The following ZIM2 variants were observed in gnomAD, a reference collection of about 807,000 sequenced individuals.
The protein encoded by ZIM2 is zinc finger protein 656.
A neutral mutation model predicts 38.6 loss-of-function variants in ZIM2; 14 were observed. That is an observed-to-expected ratio of 0.36 (90% CI 0.24 to 0.57). The LOEUF is 0.57. Ranked by LOEUF, ZIM2 falls within the 20% of genes least tolerant of loss-of-function variation. The probability of loss-of-function intolerance (pLI) is 0.81; values close to 1 mark genes in which losing one functional copy is unlikely to be tolerated. For synonymous variants in ZIM2, 247 were observed against 245.8 expected (o/e 1.00, Z -0.04); for missense variants, 680 against 695.1 (o/e 0.98, Z 0.24).
In ZIM2 at chr19:56,817,143, G is replaced by A. The variant is rs184132844; in HGVS notation, c.490+603C>T. ...ACTCGGTAAAGGAGGGGGAGCTGAG[G>A]CTGCTCAGGCTGCTCACGCTCATGG... On this transcript the variant is annotated intron_variant, in intron 9 of 12. Coordinates refer to ENST00000629319, the MANE Select transcript of ZIM2 (RefSeq NM_001387356.1). The A allele has an allele frequency of 6.3e-5, 101 of 1,614,138 alleles. No homozygotes were observed. In the African/African-American group the frequency reaches 9.7e-4, roughly 16 times the overall value.
chr19:56,795,449 G>T (rs2047156545), intron 9 of ZIM2, among the ~76,000 whole-genome samples: 1 of 152,164 alleles, frequency 6.6e-6, no homozygotes, highest in Non-Finnish European at 1.5e-5. Flanking sequence ...ATCCTACCCC[G>T]GGCCCAGCGA....
intron 9 of ZIM2, chr19:56,813,451 T>C (rs2059680734): frequency 3.6e-6 from 5 of 1,375,382 alleles, no homozygotes; most frequent in African/African-American, 1.4e-5. Context: ...ATGTGTGCTA[T>C]GGCTTTCCCA....
intron 9 of ZIM2, among the ~76,000 whole-genome samples, chr19:56,796,050 C>T (rs1018032465): frequency 2.0e-5 from 3 of 152,160 alleles, no homozygotes; most frequent in African/African-American, 4.8e-5. Flanking sequence ...CCAAAACATA[C>T]GTAACCACTG....
chr19:56,781,924 A>G, intron 11 of ZIM2, 29 bp downstream of exon 11: 2 of 1,607,470 alleles, frequency 1.2e-6, no homozygotes, highest in Non-Finnish European at 1.7e-6. Context: ...GTGGGAAGAA[A>G]CCAAGTCCTG....
chr19:56,828,839 T>C (rs2061306999), intron 2 of ZIM2, among the ~76,000 whole-genome samples: 2 of 152,188 alleles, frequency 1.3e-5, no homozygotes, highest in Non-Finnish European at 2.9e-5. Flanking sequence ...AAACCTTTTT[T>C]GACCTGTCGA....
At chr19:56,800,881 A>C (rs1159570150) in intron 9 of ZIM2, among the ~76,000 whole-genome samples, 1 of 151,800 alleles carries the variant, frequency 6.6e-6, no homozygotes, top group Non-Finnish European at 1.5e-5. Flanking sequence ...TATTCATAAT[A>C]GTCTTTCTGA....
rs1166283972 is a variant in ZIM2 at position 56,814,052 on chromosome 19, T to C, written c.490+3694A>G. ...GCTTTTCCCTCTGGCTCTTCAGCTC[T>C]TTCTTCTGGGTCTTCAATACCTGCA... is the stretch of plus-strand genomic sequence containing the variant. On this transcript the variant is annotated intron_variant, in intron 9 of 12. Transcript: ENST00000629319. This position sits in a 1 kb window ranked among gnomAD's most constrained non-coding sequence, Gnocchi z 5.8. 1.2e-6 allele frequency: 2 copies of C among 1,614,142 alleles called. No homozygotes were observed. Among genetic ancestry groups the C allele is most frequent in the Non-Finnish European group, 1.7e-6 (2 of 1,180,036 alleles).
intron 9 of ZIM2, among the ~76,000 whole-genome samples, chr19:56,803,961 A>C (rs1356824633): frequency 2.0e-5 from 3 of 152,248 alleles, no homozygotes; most frequent in African/African-American, 7.2e-5. Flanking sequence ...CAGGCCATTA[A>C]AAAGGCTCAC....
At chr19:56,787,575 G>T (rs146386079) in intron 10 of ZIM2, among the ~76,000 whole-genome samples, 2 of 152,102 alleles carry the variant, frequency 1.3e-5, no homozygotes, top group Non-Finnish European at 2.9e-5. Flanking sequence ...TCTCTGCCAG[G>T]TTTTGCTATC....
intron 10 of ZIM2, among the ~76,000 whole-genome samples, chr19:56,788,064 T>C (rs113053924): frequency 1.2e-4 from 18 of 151,878 alleles, no homozygotes; most frequent in African/African-American, 4.1e-4. Flanking sequence ...CCTGGAGTCA[T>C]TGATTTTTTT....
chr19:56,780,802 T>G (rs1164575629), intron 11 of ZIM2, among the ~76,000 whole-genome samples: 1 of 152,160 alleles, frequency 6.6e-6, no homozygotes, highest in Admixed American at 6.5e-5. Context: ...TCAGAAGGCT[T>G]AAAGGAAAAT....
intron 7 of ZIM2, among the ~76,000 whole-genome samples, chr19:56,820,034 T>G (rs922789693): frequency 6.6e-6 from 1 of 152,156 alleles, no homozygotes; most frequent in Non-Finnish European, 1.5e-5. Context: ...TTTTTTCACA[T>G]GAAAGAAAAA....
At chr19:56,810,924 T>C (rs1019905817) in intron 9 of ZIM2, 16 of 965,606 alleles carry the variant, frequency 1.7e-5, no homozygotes, top group Non-Finnish European at 2.0e-5. Context: ...AGGACATTAT[T>C]ATAGGGAACA....
Position 56,775,270 on chromosome 19 carries a change from T to C in ZIM2, c.1095A>G (p.Lys365=), listed in dbSNP as rs1280385451. The stretch of plus-strand genomic sequence containing the variant: ...GGGCTACTTGCGTACTAAAGGTTCG[T>C]TTGCAAAATTCACATCTGTTGTGTT... ...ENKHNRCEFC[K]RTFSTQVALR... is the part of the protein sequence containing the mutation. The change falls in exon 13 of 13, where the codon AAA becomes AAG. Residue 365 remains lysine (K), a synonymous_variant. Coordinates refer to ENST00000629319, the MANE Select transcript of ZIM2 (RefSeq NM_001387356.1). 1 of 1,614,030 alleles carries C rather than the reference T, an allele frequency of 6.2e-7. No homozygotes were observed. The highest frequency in any genetic ancestry group is 1.3e-5 in the African/African-American group (1 of 74,912).
In ZIM2 at chr19:56,840,669, G is replaced by C. The variant is rs561249765; in HGVS notation, c.-401C>G. The C allele has an allele frequency of 1.3e-5, 2 of 153,298 alleles. No homozygotes were observed. Among genetic ancestry groups the C allele is most frequent in the East Asian group, 3.8e-4 (2 of 5,200 alleles). The allele number at this position is 153,298 out of a possible 1,614,324, so 9.5% of individuals were successfully genotyped here. On this transcript the variant is annotated 5_prime_UTR_variant, in exon 1 of 13. Transcript: ENST00000629319. ...GGCGCCCGGCGGCGCCACCAGCCCAGGGTGGACATCTCCCGCGCCTCCCAA... is the reference window on the plus strand; with the variant it reads ...GGCGCCCGGCGGCGCCACCAGCCCACGGTGGACATCTCCCGCGCCTCCCAA...
chr19:56,779,363 C>G lies in ZIM2; in HGVS notation c.835+14G>C. On this transcript the variant is annotated intron_variant, in intron 12 of 12. Coordinates refer to ENST00000629319, the MANE Select transcript of ZIM2 (RefSeq NM_001387356.1). ...TCCCCCTCCTACACCCCGGGCTTCC[C>G]CCTCACTACTCACCTTGACAAATCA... 6.2e-7 allele frequency: 1 copy of G among 1,613,010 alleles called. No individual in the cohort carries two copies. Among genetic ancestry groups the G allele is most frequent in the Non-Finnish European group, 8.5e-7 (1 of 1,179,368 alleles).
chr19:56,803,275 T>C (rs577067447), intron 9 of ZIM2, among the ~76,000 whole-genome samples: 1 of 152,258 alleles, frequency 6.6e-6, no homozygotes, highest in East Asian at 1.9e-4. Flanking sequence ...GTTACCTATC[T>C]CACAACTGCT....
intron 1 of ZIM2, among the ~76,000 whole-genome samples, chr19:56,837,767 GC>G (rs918977980): frequency 6.6e-6 from 1 of 152,230 alleles, no homozygotes; most frequent in Non-Finnish European, 1.5e-5. Context: ...AATCCCCTCA[GC>G]CCCCTCCAAC....
At chr19:56,821,876 TTCTCTG>T in intron 6 of ZIM2, 122 bp from the exon 7 acceptor site, 1 of 1,010,830 alleles carries the variant, frequency 9.9e-7, no homozygotes, top group Non-Finnish European at 1.5e-6. Flanking sequence ...TGCCTTTCTC[TTCTCTG>T]CATTCTGTGG....
Sources: gnomAD v4.1 joint callset for allele counts (sites outside exome capture counted in the v4.1 genomes callset) on GRCh38, gnomAD v4.1.1 for gene constraint, Gnocchi (gnomAD v3.1) non-coding constraint, MANE v1.5 for transcripts, NCBI Gene and HGNC (gene_info 2026-07-23, HGNC 2026-07-21) for gene names.